The following DGCR2 variants were observed in gnomAD, a reference collection of about 807,000 sequenced individuals.
The protein encoded by DGCR2 is integral membrane protein DGCR2/IDD.
A neutral mutation model predicts 51.6 loss-of-function variants in DGCR2; 24 were observed. That is an observed-to-expected ratio of 0.47 (90% confidence interval 0.34 to 0.65). DGCR2 has a LOEUF of 0.65. Ranked by LOEUF, DGCR2 falls within the 30% of genes least tolerant of loss-of-function variation. The pLI is 0.01. For missense variants in DGCR2, 765 were observed against 772.1 expected (o/e 0.99, Z 0.11); for synonymous variants, 340 against 315.4 (o/e 1.08, Z -0.82).
rs935036017 is a variant in DGCR2, at chr22:19,113,555, C to A, written c.79+8573G>T. Among the ~76,000 whole-genome samples the A allele has an allele frequency of 4.6e-5, 7 of 152,158 alleles. 2 individuals carry two copies. The highest frequency in any genetic ancestry group is 4.6e-4 in the Admixed American group (7 of 15,274). On this transcript the variant is annotated intron_variant, in intron 1 of 9. Coordinates refer to ENST00000263196, the MANE Select transcript of DGCR2 (RefSeq NM_005137.3). Reference sequence around the variant, plus strand: ...AAATACCATCTCCCACCAAAAGGAACCAGCGCTCTGTGGGAAAATGCCCCA... The same window carrying A: ...AAATACCATCTCCCACCAAAAGGAAACAGCGCTCTGTGGGAAAATGCCCCA...
At chr22:19,084,132 C>T (rs573224107) in intron 2 of DGCR2, among the ~76,000 whole-genome samples, 16 of 152,270 alleles carry the variant, frequency 1.1e-4, no homozygotes, top group Admixed American at 7.2e-4. Context: ...AGCCTCTGCC[C>T]GGCCACCACC....
At chr22:19,052,324 G>A (rs1601516076) in intron 6 of DGCR2, among the ~76,000 whole-genome samples, 1 of 152,164 alleles carries the variant, frequency 6.6e-6, no homozygotes. Context: ...GCTGAGACAT[G>A]CGAATCGCTT....
intron 6 of DGCR2, among the ~76,000 whole-genome samples, chr22:19,052,215 A>G (rs2082555524): frequency 6.6e-6 from 1 of 152,118 alleles, no homozygotes; most frequent in Admixed American, 6.6e-5. Context: ...CTGGGAGTTC[A>G]AGACCAGCCT....
At chr22:19,100,843 G>A (rs999405380) in intron 1 of DGCR2, among the ~76,000 whole-genome samples, 26 of 152,132 alleles carry the variant, frequency 1.7e-4, no homozygotes, top group African/African-American at 6.3e-4. Context: ...AGTGGTTCAC[G>A]TCTGTAACCC....
Position 19,062,779 on chromosome 22 carries a change from A to ATTCATTCTCTCTCT in DGCR2, c.625+422_625+423insAGAGAGAGAATGAA. On this transcript the variant is annotated intron_variant, in intron 5 of 9. Coordinates refer to ENST00000263196, the MANE Select transcript of DGCR2 (RefSeq NM_005137.3). ...TGCGCACACACACACATGCATGCTC[A>ATTCATTCTCTCTCT]CTCTCTCTCTCTCTCTCTCTCTCTC... Among the ~76,000 whole-genome samples the ATTCATTCTCTCTCT allele has an allele frequency of 7.1e-4, 91 of 127,440 alleles. 1 individual carries two copies. Among genetic ancestry groups the ATTCATTCTCTCTCT allele is most frequent in the Non-Finnish European group, 1.1e-3 (63 of 55,394 alleles). The allele number at this position is 127,440 out of a possible 152,430, so 83.6% of individuals were successfully genotyped here.
At chr22:19,082,267 C>T (rs1419106809) in intron 2 of DGCR2, among the ~76,000 whole-genome samples, 8 of 141,718 alleles carry the variant, frequency 5.6e-5, no homozygotes, top group Non-Finnish European at 1.1e-4. Context: ...GATTTCACCA[C>T]GTTGCCCTGG....
chr22:19,058,478 C>T (rs964366158), intron 5 of DGCR2, among the ~76,000 whole-genome samples: 7 of 152,230 alleles, frequency 4.6e-5, no homozygotes, highest in East Asian at 1.9e-4. Context: ...CACCACCCCA[C>T]CTTTCCTCCA....
intron 2 of DGCR2, among the ~76,000 whole-genome samples, chr22:19,084,650 C>T (rs2082988893): frequency 6.6e-6 from 1 of 151,518 alleles, no homozygotes; most frequent in Admixed American, 6.6e-5. Context: ...CCGGCAGCCA[C>T]CCCATCCGGG....
At chr22:19,075,715 G>A (rs796573612) in intron 2 of DGCR2, among the ~76,000 whole-genome samples, 53 of 152,258 alleles carry the variant, frequency 3.5e-4, no homozygotes, top group Admixed American at 1.2e-3. Context: ...TTATTTCACT[G>A]AGCATATCCT....
chr22:19,080,872 A>G (rs1311919123), intron 2 of DGCR2, among the ~76,000 whole-genome samples: 1 of 152,160 alleles, frequency 6.6e-6, no homozygotes. Context: ...ATGGTAGCAG[A>G]AAGAGTCACC....
intron 2 of DGCR2, among the ~76,000 whole-genome samples, chr22:19,085,297 A>G (rs978728693): frequency 6.6e-6 from 1 of 152,236 alleles, no homozygotes; most frequent in Non-Finnish European, 1.5e-5. Flanking sequence ...TCAGGAAGCT[A>G]CTACTGCCAT....
intron 6 of DGCR2, among the ~76,000 whole-genome samples, chr22:19,051,649 C>T (rs141347686): frequency 1.4e-4 from 22 of 152,292 alleles, no homozygotes; most frequent in Admixed American, 1.4e-3. Context: ...CTGCCTGAGC[C>T]CGGGAGCTGG....
intron 5 of DGCR2, among the ~76,000 whole-genome samples, chr22:19,062,894 C>T (rs2082697695): frequency 6.6e-6 from 1 of 151,914 alleles, no homozygotes; most frequent in Non-Finnish European, 1.5e-5. Flanking sequence ...CTGCCAGGGG[C>T]ACACTCTGCA....
chr22:19,073,283 CAT>C (rs139185962), intron 2 of DGCR2, among the ~76,000 whole-genome samples: 4,316 of 152,096 alleles, frequency 0.028, 151 homozygotes, highest in South Asian at 0.18. Flanking sequence ...AAACTGAATA[CAT>C]GACAGCAAAC....
At chr22:19,059,721 C>G (rs2082640136) in intron 5 of DGCR2, among the ~76,000 whole-genome samples, 1 of 152,104 alleles carries the variant, frequency 6.6e-6, no homozygotes, top group African/African-American at 2.4e-5. Context: ...CTGACGGGAG[C>G]CTTGGGCTGG....
intron 1 of DGCR2, among the ~76,000 whole-genome samples, chr22:19,112,274 T>TA (rs374315923): frequency 0.13 from 16,980 of 134,750 alleles, 1,037 homozygotes; most frequent in Middle Eastern, 0.22. Flanking sequence ...CTCCATCTTT[T>TA]AAAAAAAAAA....
chr22:19,082,515 C>T (rs1601250692), intron 2 of DGCR2, among the ~76,000 whole-genome samples: 2 of 152,070 alleles, frequency 1.3e-5, no homozygotes, highest in African/African-American at 4.8e-5. Flanking sequence ...TTTGGGAAGC[C>T]GAGGCAGGCA....
At chr22:19,071,610 C>G (rs1444075381) in intron 2 of DGCR2, among the ~76,000 whole-genome samples, 1 of 152,176 alleles carries the variant, frequency 6.6e-6, no homozygotes, top group African/African-American at 2.4e-5. Flanking sequence ...AAGCCCCCTG[C>G]AAAAGAGGGC....
At chr22:19,113,250 G>A (rs1259280030) in intron 1 of DGCR2, among the ~76,000 whole-genome samples, 8 of 152,110 alleles carry the variant, frequency 5.3e-5, no homozygotes, top group South Asian at 2.1e-4. Context: ...CATGCCTGTA[G>A]TTCCAGCTAC....
Sources: gnomAD v4.1 joint callset for allele counts (sites outside exome capture counted in the v4.1 genomes callset) on GRCh38, gnomAD v4.1.1 for gene constraint, MANE v1.5 for transcripts, NCBI Gene and HGNC (gene_info 2026-07-23, HGNC 2026-07-21) for gene names.